PUM2: variants seen among roughly 807,000 people sequenced by gnomAD.
PUM2 encodes pumilio homolog 2.
Under a neutral mutation model 124.5 loss-of-function variants are expected in PUM2, and 57 were observed. The observed-to-expected ratio is 0.46, with a 90% CI of 0.37 to 0.57. The LOEUF is 0.57. Ranked by LOEUF, PUM2 falls within the 20% of genes least tolerant of loss-of-function variation. The probability of loss-of-function intolerance (pLI) is 0.00; values close to 1 mark genes in which losing one functional copy is unlikely to be tolerated. For missense variants in PUM2, 1,065 were observed against 1,290.6 expected, an observed-to-expected ratio of 0.83 and a Z score of 2.68; for synonymous variants, 460 against 446.1, an observed-to-expected ratio of 1.03 and a Z score of -0.39.
In PUM2 at chr2:20,256,150, C is replaced by T. The variant is rs1664712498; in HGVS notation, c.2505G>A (p.Leu835=). ...SDQQSEMVKE[L]DGHVLKCVKD... Reference sequence around the variant, plus strand: ...TCACACATTTGAGCACATGACCATCCAGCTCCTTTACCATTTCACTCTGCA... The same window carrying T: ...TCACACATTTGAGCACATGACCATCTAGCTCCTTTACCATTTCACTCTGCA... Residue 835 remains leucine (L), a synonymous_variant, in exon 17 of 21, where the codon CTG becomes CTA. Coordinates refer to ENST00000361078, the MANE Select transcript of PUM2 (RefSeq NM_015317.5). 6.3e-7 allele frequency: 1 copy of T among 1,594,614 alleles called. No individual in the cohort carries two copies.
intron 1 of PUM2, among the ~76,000 whole-genome samples, chr2:20,348,693 G>A (rs1688720809): frequency 6.6e-6 from 1 of 152,146 alleles, no homozygotes; most frequent in Admixed American, 6.5e-5. Context: ...ACTCTGGGAG[G>A]GCGAGGCGGG....
At chr2:20,252,644 G>A (rs1663723047) in intron 20 of PUM2, among the ~76,000 whole-genome samples, 1 of 152,044 alleles carries the variant, frequency 6.6e-6, no homozygotes, top group South Asian at 2.1e-4. Context: ...TTTTCCTGCT[G>A]CAATTACTAA....
chr2:20,255,033 T>C (rs1187294760), intron 18 of PUM2, 49 bp from the exon 19 acceptor site: 5 of 1,569,564 alleles, frequency 3.2e-6, no homozygotes, highest in Non-Finnish European at 4.3e-6. Context: ...TCCTTAAGAA[T>C]GATATTCTTT....
chr2:20,311,740 T>A, intron 4 of PUM2, 77 bp from the exon 5 acceptor site: 1 of 1,333,478 alleles, frequency 7.5e-7, no homozygotes, highest in Non-Finnish European at 1.0e-6. Context: ...GACCTAACAC[T>A]ACACTACAGT....
At chr2:20,298,305 G>A (rs182825161) in intron 7 of PUM2, among the ~76,000 whole-genome samples, 3 of 152,304 alleles carry the variant, frequency 2.0e-5, no homozygotes. Flanking sequence ...TGAAGACCAA[G>A]GAAGAGCTTC....
rs752015089 is a variant in PUM2 at position 20,308,475 on chromosome 2, T to C, written c.628A>G (p.Lys210Glu). Reference sequence around the variant, plus strand: ...TTTGAAAATTCTTCAACAAGTGGTTTATTAGCTGTAGGATTAGGAAGAGGC... The same window carrying C: ...TTTGAAAATTCTTCAACAAGTGGTTCATTAGCTGTAGGATTAGGAAGAGGC... ...LGPLPNPTAN[K>E]PLVEEFSNPE... Residue 210 changes from lysine (K) to glutamate (E), a missense_variant, in exon 6 of 21, where the codon AAA (lysine) becomes GAA (glutamate). Physicochemically the swap from Lys to Glu is moderately conservative, Grantham distance 56. Around this residue, in one of 3 missense-constraint regions of PUM2, gnomAD observed 968 missense variants for 1,159.8 expected, o/e 0.83. Coordinates refer to ENST00000361078, the MANE Select transcript of PUM2 (RefSeq NM_015317.5). 6.2e-7 allele frequency: 1 copy of C among 1,614,152 alleles called. No individual in the cohort carries two copies. Among genetic ancestry groups the C allele is most frequent in the Non-Finnish European group, 8.5e-7 (1 of 1,180,002 alleles).
chr2:20,263,021 C>T (rs6715475), intron 14 of PUM2, among the ~76,000 whole-genome samples, 172 bp downstream of exon 14: 10,638 of 152,046 alleles, frequency 0.07, 578 homozygotes, highest in African/African-American at 0.16. Flanking sequence ...AATTAAAACC[C>T]GTATTTTTAT....
At chr2:20,265,718 CTGA>C (rs1247602760) in intron 13 of PUM2, among the ~76,000 whole-genome samples, 2 of 152,200 alleles carry the variant, frequency 1.3e-5, no homozygotes, top group Non-Finnish European at 2.9e-5. Flanking sequence ...CTACAGCATC[CTGA>C]TAAGAGTACT....
intron 2 of PUM2, among the ~76,000 whole-genome samples, chr2:20,321,518 C>T (rs1209638278): frequency 6.6e-6 from 1 of 152,042 alleles, no homozygotes; most frequent in Non-Finnish European, 1.5e-5. Context: ...TTTGCTCTGA[C>T]AGTTTAGATA....
chr2:20,276,943 C>T (rs1670403487), intron 13 of PUM2, among the ~76,000 whole-genome samples: 1 of 152,084 alleles, frequency 6.6e-6, no homozygotes, highest in Non-Finnish European at 1.5e-5. Flanking sequence ...AATTCCTTCC[C>T]TAAGCATCTA....
chr2:20,321,196 A>ATTTTC (rs1682255551), intron 2 of PUM2, among the ~76,000 whole-genome samples: 1 of 152,188 alleles, frequency 6.6e-6, no homozygotes, highest in Non-Finnish European at 1.5e-5. Flanking sequence ...GCTGGGCAAG[A>ATTTTC]AAATTGCTTG....
intron 9 of PUM2, among the ~76,000 whole-genome samples, chr2:20,293,561 T>C (rs1204727993): frequency 6.6e-6 from 1 of 151,914 alleles, no homozygotes; most frequent in African/African-American, 2.4e-5. Context: ...ATAGAAAAAA[T>C]TAGCTGGGTG....
At chr2:20,288,531 T>C (rs1442936499) in intron 10 of PUM2, among the ~76,000 whole-genome samples, 1 of 152,088 alleles carries the variant, frequency 6.6e-6, no homozygotes, top group Non-Finnish European at 1.5e-5. Context: ...ACAGGCAGAA[T>C]AGCACAGTGG....
chr2:20,278,238 A>T (rs1670692550), intron 13 of PUM2, among the ~76,000 whole-genome samples: 1 of 152,166 alleles, frequency 6.6e-6, no homozygotes, highest in Non-Finnish European at 1.5e-5. Flanking sequence ...TATGGTGTGC[A>T]AATCTTTTGA....
intron 2 of PUM2, among the ~76,000 whole-genome samples, chr2:20,324,552 A>C (rs753396159): frequency 2.6e-5 from 4 of 152,226 alleles, no homozygotes; most frequent in Non-Finnish European, 4.4e-5. Context: ...AGAAGCTAAT[A>C]GGTATGAGCC....
At chr2:20,333,429 G>A (rs1685326831) in intron 1 of PUM2, among the ~76,000 whole-genome samples, 1 of 152,062 alleles carries the variant, frequency 6.6e-6, no homozygotes, top group Non-Finnish European at 1.5e-5. Flanking sequence ...AGCTACCCGA[G>A]AGGCTGAGAT....
At chr2:20,338,888 T>C (rs1330651911) in intron 1 of PUM2, among the ~76,000 whole-genome samples, 1 of 152,240 alleles carries the variant, frequency 6.6e-6, no homozygotes, top group Non-Finnish European at 1.5e-5. Flanking sequence ...AGGATATGCA[T>C]GATTTTTACA....
At chr2:20,265,250 A>AC (rs199765486) in intron 13 of PUM2, among the ~76,000 whole-genome samples, 2 of 130,888 alleles carry the variant, frequency 1.5e-5, no homozygotes, top group African/African-American at 6.5e-5. Context: ...AAACCGTCAC[A>AC]AAAAAAAAAA....
intron 12 of PUM2, among the ~76,000 whole-genome samples, chr2:20,281,340 C>A (rs1247182686): frequency 1.3e-5 from 2 of 151,998 alleles, no homozygotes; most frequent in African/African-American, 4.8e-5. Context: ...TCAATCAATT[C>A]CTGAAAGGGG....
Sources: gnomAD v4.1 joint callset for allele counts (sites outside exome capture counted in the v4.1 genomes callset) on GRCh38, gnomAD v4.1.1 for gene constraint, gnomAD v4.1.1 regional missense constraint, MANE v1.5 for transcripts, NCBI Gene and HGNC (gene_info 2026-07-23, HGNC 2026-07-21) for gene names.